SGCD: variants seen among roughly 807,000 people sequenced by gnomAD.
The protein encoded by SGCD is delta-sarcoglycan.
A neutral mutation model predicts 36.6 loss-of-function variants in SGCD; 18 were observed. The observed-to-expected ratio is 0.49, with a 90% CI of 0.34 to 0.73. SGCD has a LOEUF of 0.73. Ranked by LOEUF, SGCD falls within the 30% of genes least tolerant of loss-of-function variation. SGCD has a pLI of 0.01. For missense variants in SGCD, 387 were observed against 346.7 expected, an observed-to-expected ratio of 1.12 and a Z score of -0.92; for synonymous variants, 133 against 130.6, an observed-to-expected ratio of 1.02 and a Z score of -0.12.
intron 4 of SGCD, among the ~76,000 whole-genome samples, chr5:156,544,875 G>A (rs1758501773): frequency 1.3e-5 from 2 of 152,156 alleles, no homozygotes; most frequent in Non-Finnish European, 2.9e-5. Flanking sequence ...CATTTATGAG[G>A]AAAGGAAACA....
At chr5:156,697,482 G>A (rs1458695512) in intron 7 of SGCD, among the ~76,000 whole-genome samples, 1 of 152,056 alleles carries the variant, frequency 6.6e-6, no homozygotes, top group Non-Finnish European at 1.5e-5. Context: ...ATACATTTGT[G>A]CTTAATCTAG....
In SGCD at chr5:156,155,637, A is replaced by G. The variant is rs112889938; in HGVS notation, c.-44+31618A>G. Among the ~76,000 whole-genome samples the G allele has an allele frequency of 2.0e-5, 3 of 148,792 alleles. No individual in the cohort carries two copies. In the East Asian group the frequency reaches 5.9e-4, roughly 29 times the overall value. On this transcript the variant is annotated intron_variant, in intron 3 of 9. Coordinates refer to the SGCD transcript ENST00000517913. The stretch of plus-strand genomic sequence containing the variant: ...GGAAAAAAAAAAAAAAAAAAGAAGC[A>G]CACAGGATTTACTCTGGATAATGTC...
chr5:156,734,954 G>GATTC (rs1466308450), intron 7 of SGCD, among the ~76,000 whole-genome samples: 1 of 152,198 alleles, frequency 6.6e-6, no homozygotes, highest in African/African-American at 2.4e-5. Context: ...GTTTTGCACT[G>GATTC]ATTCTTTCTC....
At chr5:155,759,612 C>A in the SGCD span, among the ~76,000 whole-genome samples, 1 of 152,206 alleles carries the variant, frequency 6.6e-6, no homozygotes, top group Admixed American at 6.5e-5. Flanking sequence ...GACGCACCAA[C>A]TTCTTTGAAT....
chr5:156,144,603 A>G (rs796524919), intron 3 of SGCD, among the ~76,000 whole-genome samples: 10 of 152,206 alleles, frequency 6.6e-5, no homozygotes, highest in African/African-American at 2.4e-4. Flanking sequence ...TTTCTTATAA[A>G]TTTGTTTGTG....
chr5:156,387,731 G>T (rs1159749852), intron 3 of SGCD, among the ~76,000 whole-genome samples: 1 of 152,046 alleles, frequency 6.6e-6, no homozygotes. Flanking sequence ...AGAAAAGAGG[G>T]CCCAAAAACA....
chr5:156,671,409 A>T (rs961057296), intron 7 of SGCD, among the ~76,000 whole-genome samples: 1 of 151,416 alleles, frequency 6.6e-6, no homozygotes, highest in Non-Finnish European at 1.5e-5. Flanking sequence ...AGTAGCTGTG[A>T]TTACAAGCTC....
At chr5:156,087,263 A>G (rs760284230) in intron 1 of SGCD, among the ~76,000 whole-genome samples, 2 of 152,094 alleles carry the variant, frequency 1.3e-5, no homozygotes, top group African/African-American at 4.8e-5. Flanking sequence ...GGCTAATGAG[A>G]TATTTCCCAA....
At chr5:156,330,975 A>C (rs1054434115) in intron 2 of SGCD, among the ~76,000 whole-genome samples, 3 of 152,246 alleles carry the variant, frequency 2.0e-5, no homozygotes, top group Non-Finnish European at 4.4e-5. Context: ...GTGAGATTGT[A>C]CAGATAATGC....
chr5:156,510,616 T>C (rs1756887111), intron 4 of SGCD, among the ~76,000 whole-genome samples: 1 of 152,192 alleles, frequency 6.6e-6, no homozygotes, highest in African/African-American at 2.4e-5. Flanking sequence ...ACTTTTTTTT[T>C]CTTTTTTACA....
At chr5:155,992,956 G>A (rs1015329409) in intron 1 of SGCD, among the ~76,000 whole-genome samples, 1 of 152,128 alleles carries the variant, frequency 6.6e-6, no homozygotes, top group African/African-American at 2.4e-5. Flanking sequence ...TCATGCTCTA[G>A]CTTCTTCCTT....
chr5:156,379,285 A>G (rs1770850141), intron 3 of SGCD, among the ~76,000 whole-genome samples: 1 of 152,188 alleles, frequency 6.6e-6, no homozygotes, highest in South Asian at 2.1e-4. Flanking sequence ...TTGGAGGATT[A>G]GAGTTGAAAG....
intron 1 of SGCD, among the ~76,000 whole-genome samples, chr5:156,026,096 G>A (rs890947116): frequency 1.3e-5 from 2 of 152,188 alleles, no homozygotes; most frequent in African/African-American, 4.8e-5. Context: ...CTGAATTATT[G>A]ATAAATGCAA....
intron 3 of SGCD, among the ~76,000 whole-genome samples, chr5:156,423,244 T>TTATTATAATATAA (rs1561685439): frequency 3.6e-4 from 1 of 2,782 alleles, no homozygotes. Flanking sequence ...ATATTATATT[T>TTATTATAATATAA]TATAATATTA....
chr5:155,878,971 T>G (rs1755820330), intron 1 of SGCD, among the ~76,000 whole-genome samples: 1 of 152,158 alleles, frequency 6.6e-6, no homozygotes, highest in Non-Finnish European at 1.5e-5. Flanking sequence ...AGTCTGAATT[T>G]TTATGAGTAA....
chr5:155,750,827 GTT>G, the SGCD span, among the ~76,000 whole-genome samples: 1 of 152,096 alleles, frequency 6.6e-6, no homozygotes, highest in Non-Finnish European at 1.5e-5. Context: ...ATTCATCCCA[GTT>G]GTCATTTGCT....
chr5:156,199,238 C>T (rs1362328183), intron 3 of SGCD, among the ~76,000 whole-genome samples: 1 of 152,106 alleles, frequency 6.6e-6, no homozygotes, highest in Non-Finnish European at 1.5e-5. Flanking sequence ...TCTTGCTTTT[C>T]CTCAGCTAGT....
intron 1 of SGCD, among the ~76,000 whole-genome samples, chr5:156,116,124 A>C (rs1356396917): frequency 6.6e-6 from 1 of 152,058 alleles, no homozygotes; most frequent in African/African-American, 2.4e-5. Flanking sequence ...TCAGTATTTG[A>C]TTATAGACCA....
chr5:156,048,309 A>G (rs1459802680), intron 1 of SGCD, among the ~76,000 whole-genome samples: 1 of 152,218 alleles, frequency 6.6e-6, no homozygotes, highest in Non-Finnish European at 1.5e-5. Context: ...TTATAGCAGC[A>G]TGATTTATAA....
Sources: gnomAD v4.1 joint callset for allele counts (sites outside exome capture counted in the v4.1 genomes callset) on GRCh38, gnomAD v4.1.1 for gene constraint, MANE v1.5 for transcripts, NCBI Gene and HGNC (gene_info 2026-07-23, HGNC 2026-07-21) for gene names.